Variants in ASIC2 observed in about 807,000 individuals in gnomAD.
The protein encoded by ASIC2 is acid sensing ion channel subunit 2.
In ASIC2, 25 loss-of-function variants were observed where a neutral mutation model predicts 57.3. The ratio of observed to expected loss-of-function variants is 0.44; its 90% CI spans 0.32 to 0.61. ASIC2 has a LOEUF of 0.61. Ranked by LOEUF, ASIC2 falls within the 20% of genes least tolerant of loss-of-function variation. The probability of loss-of-function intolerance (pLI) is 0.06; values close to 1 mark genes in which losing one functional copy is unlikely to be tolerated. For synonymous variants in ASIC2, 319 were observed against 307.5 expected, an observed-to-expected ratio of 1.04 and a Z score of -0.39; for missense variants, 641 against 738.1, an observed-to-expected ratio of 0.87 and a Z score of 1.52.
chr17:34,130,127 T>G (rs1000339684), intron 1 of ASIC2, among the ~76,000 whole-genome samples: 1 of 152,224 alleles, frequency 6.6e-6, no homozygotes, highest in Non-Finnish European at 1.5e-5. Flanking sequence ...TTGCACATCA[T>G]GAAAGGACTA....
intron 1 of ASIC2, among the ~76,000 whole-genome samples, chr17:33,462,540 T>C (rs530548553): frequency 1.6e-4 from 24 of 152,334 alleles, no homozygotes; most frequent in African/African-American, 5.3e-4. Flanking sequence ...CTACCAGCCC[T>C]AGACCTTCCA....
intron 1 of ASIC2, among the ~76,000 whole-genome samples, chr17:33,872,735 C>T (rs1167699161): frequency 6.6e-6 from 1 of 152,122 alleles, no homozygotes; most frequent in African/African-American, 2.4e-5. Context: ...TAGCTACATG[C>T]TGATAAGGAG....
At chr17:33,116,962 A>T (rs914688470) in intron 1 of ASIC2, among the ~76,000 whole-genome samples, 1 of 151,428 alleles carries the variant, frequency 6.6e-6, no homozygotes, top group Admixed American at 6.6e-5. Context: ...CAATCCTCTC[A>T]CCTCAGCCTC....
At chr17:33,300,258 C>T (rs1020170290) in intron 1 of ASIC2, among the ~76,000 whole-genome samples, 3 of 152,034 alleles carry the variant, frequency 2.0e-5, no homozygotes, top group African/African-American at 4.8e-5. Flanking sequence ...CAAATGGTTG[C>T]AGTCAGTGAA....
At chr17:34,127,622 C>T (rs1911826806) in intron 1 of ASIC2, among the ~76,000 whole-genome samples, 1 of 152,106 alleles carries the variant, frequency 6.6e-6, no homozygotes, top group Admixed American at 6.6e-5. Flanking sequence ...TCTTCTCAGC[C>T]TGGACACACA....
intron 1 of ASIC2, among the ~76,000 whole-genome samples, chr17:33,204,096 C>T (rs945681726): frequency 3.3e-5 from 5 of 152,222 alleles, no homozygotes; most frequent in African/African-American, 4.8e-5. Flanking sequence ...TTAGATTCCT[C>T]TTACCTCTGA....
At chr17:33,384,426 T>C (rs527380353) in intron 1 of ASIC2, among the ~76,000 whole-genome samples, 23 of 152,296 alleles carry the variant, frequency 1.5e-4, no homozygotes, top group African/African-American at 5.5e-4. Flanking sequence ...CTTTTTTTTC[T>C]GTGAACTGAT....
intron 1 of ASIC2, chr17:33,793,601 C>A (rs1391065340): frequency 6.6e-6 from 1 of 152,196 alleles, no homozygotes; most frequent in Non-Finnish European, 1.5e-5. Flanking sequence ...AAAGGAGTTG[C>A]AAGACTTGCT....
At chr17:33,877,719 G>A (rs145296232) in intron 1 of ASIC2, among the ~76,000 whole-genome samples, 356 of 152,364 alleles carry the variant, frequency 2.3e-3, no homozygotes, top group African/African-American at 8.2e-3. Context: ...AGAAACCTCT[G>A]CAGACTTAAA....
At chr17:33,477,091 A>C (rs546003597) in intron 1 of ASIC2, among the ~76,000 whole-genome samples, 6 of 152,154 alleles carry the variant, frequency 3.9e-5, no homozygotes, top group Admixed American at 1.3e-4. Flanking sequence ...TTGGTTGCTA[A>C]ATCTTATTCC....
intron 1 of ASIC2, among the ~76,000 whole-genome samples, chr17:33,546,887 G>A (rs1048393287): frequency 5.9e-5 from 9 of 152,146 alleles, no homozygotes; most frequent in East Asian, 1.9e-4. Context: ...CTAAAGCAAC[G>A]TGAGTGGAAG....
chr17:33,523,695 G>A (rs575014601), intron 1 of ASIC2, among the ~76,000 whole-genome samples: 6 of 152,224 alleles, frequency 3.9e-5, no homozygotes, highest in Admixed American at 6.5e-5. Flanking sequence ...ACACTTTCCC[G>A]TTGTTATAAA....
intron 1 of ASIC2, among the ~76,000 whole-genome samples, chr17:33,238,012 C>G (rs1374487632): frequency 6.6e-6 from 1 of 152,180 alleles, no homozygotes; most frequent in African/African-American, 2.4e-5. Context: ...ATTTTACAAA[C>G]GACGAAACAG....
At chr17:33,954,830 G>A (rs372553904) in intron 1 of ASIC2, among the ~76,000 whole-genome samples, 11 of 152,282 alleles carry the variant, frequency 7.2e-5, no homozygotes, top group African/African-American at 1.2e-4. Context: ...CATGCAGCCC[G>A]GTTTGCGCCT....
At chr17:33,267,731 T>C (rs1909518992) in intron 1 of ASIC2, among the ~76,000 whole-genome samples, 2 of 151,712 alleles carry the variant, frequency 1.3e-5, no homozygotes, top group African/African-American at 4.8e-5. Flanking sequence ...TTGCAGGAGG[T>C]AGGAAGTGAT....
chr17:34,136,391 A>G (rs1359123835), intron 1 of ASIC2, among the ~76,000 whole-genome samples: 1 of 152,142 alleles, frequency 6.6e-6, no homozygotes, highest in South Asian at 2.1e-4. Flanking sequence ...ACACCTTTTA[A>G]GAGACATTTA....
At chr17:33,305,400 G>T (rs1465945922) in intron 1 of ASIC2, among the ~76,000 whole-genome samples, 1 of 152,182 alleles carries the variant, frequency 6.6e-6, no homozygotes, top group East Asian at 1.9e-4. Flanking sequence ...GCACGATCAT[G>T]ATAACATGCT....
intron 1 of ASIC2, among the ~76,000 whole-genome samples, chr17:33,674,886 T>A (rs1476953271): frequency 2.0e-5 from 3 of 152,210 alleles, no homozygotes; most frequent in African/African-American, 7.2e-5. Flanking sequence ...AGGAATCACG[T>A]GACCTTGGGT....
chr17:33,173,188 T>A (rs897416708), intron 1 of ASIC2, among the ~76,000 whole-genome samples: 1 of 152,142 alleles, frequency 6.6e-6, no homozygotes. Context: ...AGTCTGATCG[T>A]ATAGAGAGTG....
Sources: gnomAD v4.1 joint callset for allele counts (sites outside exome capture counted in the v4.1 genomes callset) on GRCh38, gnomAD v4.1.1 for gene constraint, MANE v1.5 for transcripts, NCBI Gene and HGNC (gene_info 2026-07-23, HGNC 2026-07-21) for gene names.